Variants in PDIA5 observed in about 807,000 individuals in gnomAD.
PDIA5 encodes the protein protein disulfide isomerase family A member 5.
A neutral mutation model predicts 77.6 loss-of-function variants in PDIA5; 58 were observed. The ratio of observed to expected loss-of-function variants is 0.75; its 90% CI spans 0.61 to 0.93. The LOEUF (loss-of-function observed/expected upper bound fraction) is 0.93, where lower values mean the gene tolerates loss of function less well. PDIA5 is among the 40% of genes least tolerant of loss of function. The pLI is 0.00. For missense variants in PDIA5, 630 were observed against 647.7 expected (o/e 0.97, Z 0.30); for synonymous variants, 250 against 252.1 (o/e 0.99, Z 0.08).
intron 5 of PDIA5, among the ~76,000 whole-genome samples, chr3:123,105,483 C>T (rs765890776): frequency 3.9e-5 from 6 of 152,136 alleles, no homozygotes; most frequent in Non-Finnish European, 7.4e-5. Context: ...AGGGTGGATC[C>T]GCCTTTTGCT....
intron 7 of PDIA5, 136 bp from the exon 8 acceptor site, chr3:123,116,095 G>A: frequency 2.7e-6 from 2 of 737,460 alleles, no homozygotes; most frequent in Admixed American, 3.8e-5. Context: ...TGTCCCCAGG[G>A]TCTGGAATAG....
In PDIA5 at chr3:123,146,088, C is replaced by A. The variant is rs753238536; in HGVS notation, c.982-11C>A. On this transcript the variant is annotated splice_polypyrimidine_tract_variant and intron_variant, in intron 12 of 16. Coordinates refer to ENST00000316218, the MANE Select transcript of PDIA5 (RefSeq NM_006810.4). ...GGCTGTAATGCATGGTTGGCCTTTC[C>A]CCCATCCCAGAGCTCTGGTGTCCTT... 3.7e-6 allele frequency: 6 copies of A among 1,613,492 alleles called. No individual in the cohort carries two copies. The highest frequency in any genetic ancestry group is 1.3e-5 in the African/African-American group (1 of 74,906).
chr3:123,089,184 GGCT>G lies in PDIA5; in HGVS notation c.61_63del (p.Leu21del). 1.2e-6 allele frequency: 2 copies of G among 1,613,908 alleles called. No homozygotes were observed. The highest frequency in any genetic ancestry group is 1.7e-6 in the Non-Finnish European group (2 of 1,179,888). On this transcript the variant is annotated inframe_deletion, in exon 2 of 17. Transcript: ENST00000316218. ...GATCCCCAGGTGGTCCTGCCATCATGGCTGTCCTCTGCAAAGGTCTCCTCGCTC... is the reference window on the plus strand; with the variant it reads ...GATCCCCAGGTGGTCCTGCCATCATGGTCCTCTGCAAAGGTCTCCTCGCTC...
At position 123,162,101 on chromosome 3, in the gene PDIA5, T is replaced by C; in HGVS notation, c.*141T>C. ...ACAATTTTGAAATAAAATTAAACCA[T>C]TTATTTGGTGGTATGGTTTATTTTC... is the stretch of plus-strand genomic sequence containing the variant. On this transcript the variant is annotated 3_prime_UTR_variant, in exon 17 of 17. Coordinates refer to ENST00000316218, the MANE Select transcript of PDIA5 (RefSeq NM_006810.4). 1.5e-6 allele frequency: 1 copy of C among 650,676 alleles called. No individual in the cohort carries two copies. Among genetic ancestry groups the C allele is most frequent in the Non-Finnish European group, 2.8e-6 (1 of 361,578 alleles). The allele number at this position is 650,676 out of a possible 1,614,324, so 40.3% of individuals were successfully genotyped here.
At chr3:123,151,018 G>T (rs1275157033) in intron 14 of PDIA5, among the ~76,000 whole-genome samples, 1 of 152,248 alleles carries the variant, frequency 6.6e-6, no homozygotes, top group African/African-American at 2.4e-5. Context: ...GCTTAATGGA[G>T]TGAGGATAAT....
intron 15 of PDIA5, among the ~76,000 whole-genome samples, chr3:123,157,506 G>A (rs549414720): frequency 2.6e-5 from 4 of 152,126 alleles, no homozygotes; most frequent in Non-Finnish European, 4.4e-5. Flanking sequence ...AATGCCCAGC[G>A]GGTCACTGAC....
intron 1 of PDIA5, among the ~76,000 whole-genome samples, chr3:123,083,441 G>A (rs1172165750): frequency 6.6e-6 from 1 of 152,202 alleles, no homozygotes; most frequent in Non-Finnish European, 1.5e-5. Flanking sequence ...GCTCAGCCCT[G>A]ATGTAAATAC....
chr3:123,151,859 T>TG (rs1560562078), intron 14 of PDIA5, among the ~76,000 whole-genome samples: 2 of 120,910 alleles, frequency 1.7e-5, no homozygotes, highest in Non-Finnish European at 3.4e-5. Context: ...CTTCCTGCCC[T>TG]CCTTCCTTCC....
At chr3:123,070,534 A>G (rs753287727) in intron 1 of PDIA5, among the ~76,000 whole-genome samples, 3 of 152,212 alleles carry the variant, frequency 2.0e-5, no homozygotes, top group Non-Finnish European at 4.4e-5. Context: ...AACACGTGGG[A>G]CAGGTTAGTT....
Position 123,161,400 on chromosome 3 carries a change from C to A in PDIA5, c.1424C>A (p.Thr475Asn). 1 of 1,614,230 alleles carries A rather than the reference C, an allele frequency of 6.2e-7. No homozygotes were observed. The change falls in exon 16 of 17, where the codon ACT (threonine) becomes AAT (asparagine). Residue 475 changes from threonine to asparagine, a missense_variant. By Grantham distance (65) the Thr-to-Asn change is moderately conservative. Coordinates refer to ENST00000316218, the MANE Select transcript of PDIA5 (RefSeq NM_006810.4). ...CAGGAGGCGGTCAAGGGCTACCCCA[C>A]TTTCCACTACTACCACTATGGGAAG... ...CQQEAVKGYPTFHYYHYGKFA... is the reference protein window; with the variant it reads ...CQQEAVKGYPNFHYYHYGKFA...
intron 13 of PDIA5, among the ~76,000 whole-genome samples, chr3:123,149,603 C>T (rs764402477): frequency 2.0e-5 from 3 of 152,182 alleles, no homozygotes; most frequent in Non-Finnish European, 2.9e-5. Context: ...TTATCCAATG[C>T]CTGGCATTTA....
chr3:123,161,273 C>T (rs1298504294), intron 15 of PDIA5, 48 bp from the exon 16 acceptor site: 1 of 1,592,030 alleles, frequency 6.3e-7, no homozygotes, highest in Non-Finnish European at 8.6e-7. Flanking sequence ...GGGTCCAGGC[C>T]TCAGCCTGGG....
chr3:123,106,867 T>C, intron 6 of PDIA5, 26 bp downstream of exon 6: 1 of 1,506,062 alleles, frequency 6.6e-7, no homozygotes, highest in Middle Eastern at 2.3e-4. Flanking sequence ...TCAGTTCTGA[T>C]GGATGCTGGA....
chr3:123,142,507 CT>C (rs1935664220), intron 11 of PDIA5, among the ~76,000 whole-genome samples: 1 of 152,250 alleles, frequency 6.6e-6, no homozygotes, highest in African/African-American at 2.4e-5. Flanking sequence ...ACCTCTACAG[CT>C]TATGATGGGG....
At chr3:123,112,851 T>C (rs1353782808) in intron 7 of PDIA5, among the ~76,000 whole-genome samples, 1 of 152,102 alleles carries the variant, frequency 6.6e-6, no homozygotes, top group African/African-American at 2.4e-5. Flanking sequence ...TGAACCACCG[T>C]GCCCGGCCCC....
In PDIA5 at chr3:123,129,719, A is replaced by G. The variant is rs573885884; in HGVS notation, c.774-761A>G. 2.6e-5 allele frequency among the ~76,000 whole-genome samples: 4 copies of G among 152,304 alleles called. No individual in the cohort carries two copies. In the East Asian group the frequency reaches 7.7e-4, roughly 29 times the overall value. On this transcript the variant is annotated intron_variant, in intron 10 of 16. Transcript: ENST00000316218. The stretch of plus-strand genomic sequence containing the variant: ...CGAGCCTCCCTCCTCCTAGCAGATG[A>G]TGACCTAGGACTGGCACACAGTCAC...
intron 15 of PDIA5, among the ~76,000 whole-genome samples, chr3:123,155,349 A>G (rs1935996942): frequency 6.6e-6 from 1 of 152,218 alleles, no homozygotes. Context: ...ATCATGCATT[A>G]CTTATATAAT....
intron 8 of PDIA5, among the ~76,000 whole-genome samples, chr3:123,118,543 C>T (rs1935044497): frequency 6.6e-6 from 1 of 152,184 alleles, no homozygotes. Context: ...ATGCTGCATC[C>T]ACTGCCAAAC....
At chr3:123,081,180 T>A (rs1232356310) in intron 1 of PDIA5, among the ~76,000 whole-genome samples, 1 of 152,210 alleles carries the variant, frequency 6.6e-6, no homozygotes, top group African/African-American at 2.4e-5. Context: ...AAGGTGTGAT[T>A]ACCTCACAGT....
Sources: allele counts gnomAD v4.1 joint callset (sites outside exome capture counted in the v4.1 genomes callset), GRCh38; gene constraint gnomAD v4.1.1; transcripts MANE v1.5; gene names NCBI Gene and HGNC (gene_info 2026-07-23, HGNC 2026-07-21).